The following GPR176 variants were observed in gnomAD, a reference collection of about 807,000 sequenced individuals.
The protein encoded by GPR176 is G-protein coupled receptor 176.
GPR176 carries 26 observed loss-of-function variants against 35.4 expected under a neutral mutation model. The ratio of observed to expected loss-of-function variants is 0.74; its 90% confidence interval spans 0.54 to 1.02. The LOEUF (loss-of-function observed/expected upper bound fraction) is 1.02, where lower values mean the gene tolerates loss of function less well. Ranked by LOEUF, GPR176 falls within the 50% of genes least tolerant of loss-of-function variation. The probability of loss-of-function intolerance (pLI) is 0.00; values close to 1 mark genes in which losing one functional copy is unlikely to be tolerated. For missense variants in GPR176, 597 were observed against 665.3 expected (o/e 0.90, Z 1.13); for synonymous variants, 278 against 271.3 (o/e 1.02, Z -0.24).
chr15:39,868,850 A>T (rs1007325087), intron 1 of GPR176, among the ~76,000 whole-genome samples: 1 of 152,170 alleles, frequency 6.6e-6, no homozygotes, highest in African/African-American at 2.4e-5. Context: ...TGTCCTCTGC[A>T]GATACCTGAA....
chr15:39,819,047 G>T (rs1900096800), intron 1 of GPR176, among the ~76,000 whole-genome samples: 1 of 152,184 alleles, frequency 6.6e-6, no homozygotes, highest in South Asian at 2.1e-4. Context: ...CCCTTTAATA[G>T]CAACAGGTTC....
intron 1 of GPR176, among the ~76,000 whole-genome samples, chr15:39,888,826 T>C (rs2032763146): frequency 6.6e-6 from 1 of 152,336 alleles, no homozygotes; most frequent in Non-Finnish European, 1.5e-5. Flanking sequence ...CATAAGCTTC[T>C]AGCTGTGATA....
intron 1 of GPR176, among the ~76,000 whole-genome samples, chr15:39,900,005 A>T (rs2033228498): frequency 6.6e-6 from 1 of 152,224 alleles, no homozygotes; most frequent in African/African-American, 2.4e-5. Flanking sequence ...TACAAAAGAT[A>T]CAAAGGTAGT....
chr15:39,818,541 C>T (rs1900064927), intron 1 of GPR176, among the ~76,000 whole-genome samples: 1 of 152,120 alleles, frequency 6.6e-6, no homozygotes, highest in Non-Finnish European at 1.5e-5. Context: ...AAAGAGACTC[C>T]AACAATAGCT....
intron 1 of GPR176, among the ~76,000 whole-genome samples, chr15:39,912,368 G>A (rs1013964001): frequency 1.3e-5 from 2 of 151,930 alleles, no homozygotes; most frequent in Admixed American, 6.6e-5. Flanking sequence ...TGTAATCCCA[G>A]CACTTTGGGA....
chr15:39,854,476 C>T (rs1407174500), intron 1 of GPR176, among the ~76,000 whole-genome samples: 1 of 152,242 alleles, frequency 6.6e-6, no homozygotes, highest in Non-Finnish European at 1.5e-5. Context: ...GAATCATGTC[C>T]TATGAATTTA....
At chr15:39,874,270 C>A (rs2032158689) in intron 1 of GPR176, among the ~76,000 whole-genome samples, 2 of 152,196 alleles carry the variant, frequency 1.3e-5, no homozygotes, top group African/African-American at 4.8e-5. Context: ...GAGTTGACAA[C>A]CCCTCAGGGG....
chr15:39,833,510 G>C (rs1031201320), intron 1 of GPR176, among the ~76,000 whole-genome samples: 1 of 152,128 alleles, frequency 6.6e-6, no homozygotes, highest in African/African-American at 2.4e-5. Flanking sequence ...GGGAACTTGG[G>C]GGGACATGTG....
At chr15:39,836,702 GTTCACATAAAT>G in intron 1 of GPR176, among the ~76,000 whole-genome samples, 1 of 152,176 alleles carries the variant, frequency 6.6e-6, no homozygotes, top group Non-Finnish European at 1.5e-5. Flanking sequence ...GGGCTATAAA[GTTCACATAAAT>G]TTGTTCTAAG....
At chr15:39,887,381 C>T (rs762278728) in intron 1 of GPR176, among the ~76,000 whole-genome samples, 5 of 152,150 alleles carry the variant, frequency 3.3e-5, no homozygotes, top group Non-Finnish European at 5.9e-5. Context: ...TGGAACAATG[C>T]ATATTTCCAG....
At chr15:39,841,871 T>C (rs979808995) in intron 1 of GPR176, among the ~76,000 whole-genome samples, 3 of 152,152 alleles carry the variant, frequency 2.0e-5, no homozygotes, top group African/African-American at 7.2e-5. Context: ...ACAATGGCTT[T>C]TTTGTCTCCA....
chr15:39,855,606 A>G (rs1248207151), intron 1 of GPR176, among the ~76,000 whole-genome samples: 1 of 152,152 alleles, frequency 6.6e-6, no homozygotes, highest in African/African-American at 2.4e-5. Context: ...AAGCCCCAGC[A>G]TTATAAAGGC....
At position 39,799,343 on chromosome 15, in the gene GPR176, G is replaced by A. The variant is rs1230145436; in HGVS notation, c.*1789C>T. 6.6e-6 allele frequency: 1 copy of A among 152,276 alleles called. No individual in the cohort carries two copies. The highest frequency in any genetic ancestry group is 1.9e-4 in the East Asian group (1 of 5,196). The allele number at this position is 152,276 out of a possible 1,614,324, so 9.4% of individuals were successfully genotyped here. On this transcript the variant is annotated 3_prime_UTR_variant, in exon 3 of 3. Transcript: ENST00000561100. ...ACAGCATTGACTATCAGGGCAAGGA[G>A]CTATAGATGCCATGCACGCAGGGCC... is the stretch of plus-strand genomic sequence containing the variant.
Position 39,919,845 on chromosome 15 carries a change from G to T in GPR176, c.172+10C>A. ...AGGCCCGGTCCGGAGGCGCCCCGCGGGAGGCTTACCGAGCAGCGAGCCTAT... is the reference window on the plus strand; with the variant it reads ...AGGCCCGGTCCGGAGGCGCCCCGCGTGAGGCTTACCGAGCAGCGAGCCTAT... On this transcript the variant is annotated intron_variant, in intron 1 of 2. Transcript: ENST00000561100. 1 of 1,396,668 alleles carries T rather than the reference G, an allele frequency of 7.2e-7. No individual in the cohort carries two copies. Among genetic ancestry groups the T allele is most frequent in the Non-Finnish European group, 9.3e-7 (1 of 1,069,814 alleles). The allele number at this position is 1,396,668 out of a possible 1,614,324, so 86.5% of individuals were successfully genotyped here. A position where few individuals can be genotyped will look rare whatever the true frequency, so the allele number is the denominator to read the frequency against.
intron 1 of GPR176, among the ~76,000 whole-genome samples, chr15:39,864,731 A>G (rs891342952): frequency 6.6e-6 from 1 of 152,144 alleles, no homozygotes; most frequent in Non-Finnish European, 1.5e-5. Flanking sequence ...GTACAGCAAA[A>G]TAATCAAGAG....
At chr15:39,892,731 G>A (rs769301974) in intron 1 of GPR176, among the ~76,000 whole-genome samples, 4 of 152,232 alleles carry the variant, frequency 2.6e-5, no homozygotes, top group East Asian at 1.9e-4. Context: ...GCAGGCAGCC[G>A]CCAAAAGCTA....
chr15:39,849,310 A>G (rs1159580567), intron 1 of GPR176, among the ~76,000 whole-genome samples: 1 of 152,202 alleles, frequency 6.6e-6, no homozygotes, highest in South Asian at 2.1e-4. Context: ...ACTTCCCCCA[A>G]AAAGAAATCT....
chr15:39,800,957 G>T lies in GPR176; in HGVS notation c.*175C>A. The T allele has an allele frequency of 1.6e-6, 1 of 611,446 alleles. No homozygotes were observed. The highest frequency in any genetic ancestry group is 2.9e-6 in the Non-Finnish European group (1 of 346,844). 37.9% of individuals were successfully genotyped at this position (611,446 alleles called of 1,614,324 possible). On this transcript the variant is annotated 3_prime_UTR_variant, in exon 3 of 3. Transcript: ENST00000561100. ...TGGATACATATACTCCCTCAATAAA[G>T]AGGACACTGGATTTTATGTAGATTT...
intron 1 of GPR176, among the ~76,000 whole-genome samples, chr15:39,871,743 A>G (rs577973377): frequency 1.3e-5 from 2 of 152,318 alleles, no homozygotes; most frequent in South Asian, 4.1e-4. Context: ...TTTTCCACCC[A>G]TGCAGGTGAC....
Sources: allele counts gnomAD v4.1 joint callset (sites outside exome capture counted in the v4.1 genomes callset), GRCh38; gene constraint gnomAD v4.1.1; transcripts MANE v1.5; gene names NCBI Gene and HGNC (gene_info 2026-07-23, HGNC 2026-07-21).